The following LRBA variants were observed in gnomAD, a reference collection of about 807,000 sequenced individuals.
LRBA encodes the protein LPS responsive beige-like anchor protein.
In LRBA, 176 loss-of-function variants were observed where a neutral mutation model predicts 330.0. The observed-to-expected ratio is 0.53, with a 90% CI of 0.47 to 0.60. LRBA has a LOEUF of 0.60. LRBA is among the 20% of genes least tolerant of loss of function. LRBA has a pLI of 0.00. For synonymous variants in LRBA, 1,230 were observed against 1,193.0 expected, an observed-to-expected ratio of 1.03 and a Z score of -0.64; for missense variants, 3,259 against 3,444.8, an observed-to-expected ratio of 0.95 and a Z score of 1.35.
At chr4:150,743,782 C>T (rs1332541895) in intron 35 of LRBA, among the ~76,000 whole-genome samples, 1 of 152,224 alleles carries the variant, frequency 6.6e-6, no homozygotes, top group Non-Finnish European at 1.5e-5. Flanking sequence ...CATGTCTGGG[C>T]TAGTGAGTGA....
intron 2 of LRBA, among the ~76,000 whole-genome samples, chr4:150,952,428 G>A (rs1444583592): frequency 6.6e-6 from 1 of 152,018 alleles, no homozygotes; most frequent in Admixed American, 6.6e-5. Context: ...TTGAGGAGAG[G>A]GAAATTAGAC....
At chr4:150,990,768 T>C (rs1292659271) in intron 2 of LRBA, among the ~76,000 whole-genome samples, 1 of 150,882 alleles carries the variant, frequency 6.6e-6, no homozygotes, top group East Asian at 2.0e-4. Flanking sequence ...GCCTATAATA[T>C]CAGCATTTTA....
intron 16 of LRBA, among the ~76,000 whole-genome samples, chr4:150,895,429 C>T (rs1242837743): frequency 6.6e-6 from 1 of 151,530 alleles, no homozygotes; most frequent in African/African-American, 2.4e-5. Flanking sequence ...GCTATCCCTC[C>T]CCGCTACCCC....
At chr4:150,570,732 T>C (rs1409188852) in intron 40 of LRBA, among the ~76,000 whole-genome samples, 1 of 152,144 alleles carries the variant, frequency 6.6e-6, no homozygotes, top group African/African-American at 2.4e-5. Flanking sequence ...TGCAGTGCAA[T>C]GTAGGTGCCC....
chr4:150,621,411 G>A (rs1776278032), intron 37 of LRBA, among the ~76,000 whole-genome samples: 1 of 152,032 alleles, frequency 6.6e-6, no homozygotes, highest in Non-Finnish European at 1.5e-5. Flanking sequence ...GCTTAATTAT[G>A]TCACTACATA....
intron 44 of LRBA, among the ~76,000 whole-genome samples, chr4:150,437,438 T>C (rs981417376): frequency 6.6e-6 from 1 of 150,608 alleles, no homozygotes; most frequent in African/African-American, 2.4e-5. Flanking sequence ...TATATAGATA[T>C]ATACATATAT....
intron 34 of LRBA, among the ~76,000 whole-genome samples, chr4:150,765,751 G>A (rs1347152654): frequency 6.6e-6 from 1 of 151,980 alleles, no homozygotes; most frequent in African/African-American, 2.4e-5. Flanking sequence ...ATATTAAGTA[G>A]GCAGGTAAAG....
At position 150,310,375 on chromosome 4, in the gene LRBA, G is replaced by A; in HGVS notation, c.7703C>T (p.Thr2568Ile). ...AGTGATTTGCCTCCTGTGCATTCCT[G>A]TATTGCTGGCTGTAAGAATAGGGAG... ...VEIDPLIASNTGMHRRQITDL... is the reference protein window; with the variant it reads ...VEIDPLIASNIGMHRRQITDL... Residue 2568 changes from threonine (T) to isoleucine (I), a missense_variant, in exon 52 of 57, where the codon ACA becomes ATA. Physicochemically the swap from Thr to Ile is moderately conservative, Grantham distance 89. Transcript: ENST00000651943. 1 of 1,612,332 alleles carries A rather than the reference G, an allele frequency of 6.2e-7. No individual in the cohort carries two copies. Among genetic ancestry groups the A allele is most frequent in the Non-Finnish European group, 8.5e-7 (1 of 1,179,006 alleles).
chr4:150,467,587 TTTAAG>T (rs990783290), intron 44 of LRBA, 81 bp downstream of exon 44: 42 of 818,632 alleles, frequency 5.1e-5, no homozygotes, highest in African/African-American at 4.1e-4. Flanking sequence ...GAAAAAAATT[TTTAAG>T]TTAAGTAAAA....
intron 30 of LRBA, among the ~76,000 whole-genome samples, chr4:150,818,083 AGTACTAT>A (rs1744861251): frequency 6.6e-6 from 1 of 152,148 alleles, no homozygotes; most frequent in African/African-American, 2.4e-5. Flanking sequence ...TTTTGTTGAC[AGTACTAT>A]AACTGCGAGC....
Position 150,700,361 on chromosome 4 carries a change from G to C in LRBA, c.5755-16644C>G, listed in dbSNP as rs572179579. Reference sequence around the variant, plus strand: ...TGTTGTAGGCAACTATACCACAATGGTAAGTATTTGTATACCTAAACACAG... The same window carrying C: ...TGTTGTAGGCAACTATACCACAATGCTAAGTATTTGTATACCTAAACACAG... On this transcript the variant is annotated intron_variant, in intron 36 of 56. Coordinates refer to ENST00000651943, the MANE Select transcript of LRBA (RefSeq NM_001364905.1). Among the ~76,000 whole-genome samples, 14 of 152,148 alleles carry C rather than the reference G, an allele frequency of 9.2e-5. No homozygotes were observed. The East Asian group carries it at 2.5e-3, about 27-fold the overall frequency.
chr4:150,595,971 C>T (rs1773442364), intron 38 of LRBA, among the ~76,000 whole-genome samples: 1 of 151,790 alleles, frequency 6.6e-6, no homozygotes, highest in African/African-American at 2.4e-5. Flanking sequence ...GAATAAAATG[C>T]CCAGCTTTGC....
At chr4:150,517,522 A>C (rs1762478432) in intron 40 of LRBA, among the ~76,000 whole-genome samples, 1 of 152,104 alleles carries the variant, frequency 6.6e-6, no homozygotes. Flanking sequence ...CCCTGTATCA[A>C]AAAAATAAAT....
At chr4:150,497,754 T>G (rs1759761431) in intron 40 of LRBA, among the ~76,000 whole-genome samples, 1 of 152,140 alleles carries the variant, frequency 6.6e-6, no homozygotes, top group Non-Finnish European at 1.5e-5. Context: ...GTGTGGACGA[T>G]GGGGCAGTTG....
At chr4:150,818,008 C>G (rs1744852852) in intron 30 of LRBA, among the ~76,000 whole-genome samples, 1 of 152,086 alleles carries the variant, frequency 6.6e-6, no homozygotes, top group Non-Finnish European at 1.5e-5. Context: ...GCAGTGCTTA[C>G]TTTTAATTAC....
intron 26 of LRBA, among the ~76,000 whole-genome samples, chr4:150,848,223 C>T (rs1750120482): frequency 6.6e-6 from 1 of 152,116 alleles, no homozygotes; most frequent in African/African-American, 2.4e-5. Flanking sequence ...CCATGTTGGC[C>T]AGGCTGGTCT....
At chr4:150,793,712 T>C (rs1252177165) in intron 34 of LRBA, among the ~76,000 whole-genome samples, 2 of 152,168 alleles carry the variant, frequency 1.3e-5, no homozygotes, top group Admixed American at 6.5e-5. Flanking sequence ...TGGGTGAGTG[T>C]TCTGCACAAT....
At chr4:150,844,234 T>C in intron 27 of LRBA, 27 bp from the exon 28 acceptor site, 1 of 1,108,462 alleles carries the variant, frequency 9.0e-7, no homozygotes, top group Non-Finnish European at 1.3e-6. Flanking sequence ...AAAAATTGTA[T>C]ATATATATAT....
At chr4:150,514,101 T>G in intron 40 of LRBA, among the ~76,000 whole-genome samples, 1 of 152,210 alleles carries the variant, frequency 6.6e-6, no homozygotes, top group East Asian at 1.9e-4. Flanking sequence ...AGATGGAGTT[T>G]CACTCTTGTC....
Sources: allele counts gnomAD v4.1 joint callset (sites outside exome capture counted in the v4.1 genomes callset), GRCh38; gene constraint gnomAD v4.1.1; transcripts MANE v1.5; gene names NCBI Gene and HGNC (gene_info 2026-07-23, HGNC 2026-07-21).